Variants in KIFAP3 observed in about 807,000 individuals in gnomAD.
The protein encoded by KIFAP3 is kinesin associated protein 3.
Under a neutral mutation model 106.5 loss-of-function variants are expected in KIFAP3, and 68 were observed. That is an observed-to-expected ratio of 0.64 (90% CI 0.53 to 0.78). The LOEUF is 0.78. Among genes scored for constraint, KIFAP3 ranks in the 30% least tolerant of loss-of-function variants. The pLI is 0.00. For missense variants in KIFAP3, 780 were observed against 941.8 expected (o/e 0.83, Z 2.25); for synonymous variants, 320 against 311.5 (o/e 1.03, Z -0.29).
At chr1:169,995,479 T>C (rs1387408228) in intron 10 of KIFAP3, among the ~76,000 whole-genome samples, 1 of 152,098 alleles carries the variant, frequency 6.6e-6, no homozygotes, top group African/African-American at 2.4e-5. Context: ...ACTTAATTTT[T>C]AAAAAATATT....
rs28595847 is a variant in KIFAP3 at position 169,998,395 on chromosome 1, T to C, written c.1184-6140A>G. Among the ~76,000 whole-genome samples, 538 of 81,320 alleles carry C rather than the reference T, an allele frequency of 6.6e-3. 2 individuals carry two copies. Among genetic ancestry groups the C allele is most frequent in the East Asian group, 0.031 (73 of 2,354 alleles). The allele number at this position is 81,320 out of a possible 152,430, so 53.3% of individuals were successfully genotyped here. Reference sequence around the variant, plus strand: ...GTGCTTCACCAGATATATATATATATATATACACACACACACACACACACA... The same window carrying C: ...GTGCTTCACCAGATATATATATATACATATACACACACACACACACACACA... On this transcript the variant is annotated intron_variant, in intron 10 of 19. Transcript: ENST00000361580.
At chr1:169,988,543 C>CCCCG (rs1666951585) in intron 11 of KIFAP3, among the ~76,000 whole-genome samples, 4 of 151,824 alleles carry the variant, frequency 2.6e-5, no homozygotes, top group Non-Finnish European at 5.9e-5. Flanking sequence ...GGGGTTATGA[C>CCCCG]TTTAGTAAGT....
At chr1:170,055,921 C>G (rs1437538710) in intron 1 of KIFAP3, among the ~76,000 whole-genome samples, 1 of 152,024 alleles carries the variant, frequency 6.6e-6, no homozygotes, top group Non-Finnish European at 1.5e-5. Flanking sequence ...CACTTTAGGT[C>G]AGAAGTTTGA....
At chr1:170,040,471 C>A (rs1175491127) in intron 3 of KIFAP3, among the ~76,000 whole-genome samples, 5 of 151,964 alleles carry the variant, frequency 3.3e-5, no homozygotes, top group Non-Finnish European at 7.4e-5. Flanking sequence ...TTCTGGGGAG[C>A]AAGATAAAAC....
At chr1:170,050,541 T>A (rs1670524285) in intron 2 of KIFAP3, among the ~76,000 whole-genome samples, 2 of 152,012 alleles carry the variant, frequency 1.3e-5, no homozygotes, top group Non-Finnish European at 2.9e-5. Flanking sequence ...CACATAATCA[T>A]CAGATTCTCC....
chr1:169,941,700 CCT>C (rs1229637920), intron 19 of KIFAP3, among the ~76,000 whole-genome samples: 4 of 151,950 alleles, frequency 2.6e-5, no homozygotes, highest in Admixed American at 2.0e-4. Flanking sequence ...AAGATGGCCC[CCT>C]GAGGGTGAAT....
At chr1:170,021,941 CTTTTTTTT>C (rs71125221) in intron 9 of KIFAP3, among the ~76,000 whole-genome samples, 2 of 77,902 alleles carry the variant, frequency 2.6e-5, no homozygotes, top group African/African-American at 4.8e-5. Flanking sequence ...TCTTTTCTTT[CTTTTTTTT>C]TTTTTTTTTT....
chr1:169,990,665 CTAAGAG>C (rs2101929444), intron 11 of KIFAP3, among the ~76,000 whole-genome samples: 1 of 151,916 alleles, frequency 6.6e-6, no homozygotes, highest in Admixed American at 6.6e-5. Flanking sequence ...TGTTAATTCC[CTAAGAG>C]TAAAATTGTT....
rs565111191 is a variant in KIFAP3 at position 169,940,875 on chromosome 1, C to G, written c.2273+13136G>C. ...TACTGGACTGTTCATGTCCCCAAAACAAATTCTTTTGAGCAGTTGCACTTG... is the reference window on the plus strand; with the variant it reads ...TACTGGACTGTTCATGTCCCCAAAAGAAATTCTTTTGAGCAGTTGCACTTG... On this transcript the variant is annotated intron_variant, in intron 19 of 19. Coordinates refer to ENST00000361580, the MANE Select transcript of KIFAP3 (RefSeq NM_014970.4). Among the ~76,000 whole-genome samples, 4 of 152,006 alleles carry G rather than the reference C, an allele frequency of 2.6e-5. No individual in the cohort carries two copies. The East Asian group carries it at 7.7e-4, about 29-fold the overall frequency.
intron 9 of KIFAP3, among the ~76,000 whole-genome samples, chr1:170,018,516 GA>G (rs1239799564): frequency 1.3e-5 from 2 of 149,362 alleles, no homozygotes; most frequent in African/African-American, 2.5e-5. Flanking sequence ...AAAGAAATTT[GA>G]AAAAAATTTA....
At chr1:170,066,468 G>A (rs1671450809) in intron 1 of KIFAP3, among the ~76,000 whole-genome samples, 1 of 152,032 alleles carries the variant, frequency 6.6e-6, no homozygotes, top group Admixed American at 6.5e-5. Context: ...CTTAAAAGCT[G>A]GGGGCAAAAA....
rs948498469 is a variant in KIFAP3 at position 169,923,277 on chromosome 1, T to G, written c.2274-1496A>C. On this transcript the variant is annotated intron_variant, in intron 19 of 19. Coordinates refer to ENST00000361580, the MANE Select transcript of KIFAP3 (RefSeq NM_014970.4). Reference sequence around the variant, plus strand: ...ATATAGGCACTTTTTCTAACTTTGATCTCATGGGAAGAGAGACTAAATTTT... The same window carrying G: ...ATATAGGCACTTTTTCTAACTTTGAGCTCATGGGAAGAGAGACTAAATTTT... Among the ~76,000 whole-genome samples, 12 of 152,174 alleles carry G rather than the reference T, an allele frequency of 7.9e-5. No homozygotes were observed. The East Asian group carries it at 2.3e-3, about 29-fold the overall frequency.
chr1:169,960,114 C>T (rs918230640), intron 18 of KIFAP3, among the ~76,000 whole-genome samples: 1 of 151,990 alleles, frequency 6.6e-6, no homozygotes, highest in Non-Finnish European at 1.5e-5. Flanking sequence ...AATGTGAGTA[C>T]AGTGATCAGA....
intron 1 of KIFAP3, among the ~76,000 whole-genome samples, chr1:170,058,626 A>C (rs1670973786): frequency 1.3e-5 from 2 of 152,064 alleles, no homozygotes; most frequent in South Asian, 4.1e-4. Context: ...ACAAAATGGA[A>C]ATCTACCAAA....
intron 3 of KIFAP3, among the ~76,000 whole-genome samples, chr1:170,043,686 A>G (rs547445614): frequency 6.6e-6 from 1 of 152,330 alleles, no homozygotes; most frequent in South Asian, 2.1e-4. Flanking sequence ...TTTAACAGTT[A>G]TCAAGAAATA....
chr1:170,048,300 G>T lies in KIFAP3; in HGVS notation c.165-1434C>A, dbSNP rs6697581. On this transcript the variant is annotated intron_variant, in intron 2 of 19. Coordinates refer to ENST00000361580, the MANE Select transcript of KIFAP3 (RefSeq NM_014970.4). ...GTCCCTTTATTTCTTCCTTATTTGG[G>T]TTTTTTTTTTTTTGGTTCCTACCTT... is the stretch of plus-strand genomic sequence containing the variant. Among the ~76,000 whole-genome samples the T allele has an allele frequency of 2.6e-3, 367 of 142,742 alleles. 1 individual carries two copies. Among genetic ancestry groups the T allele is most frequent in the East Asian group, 6.5e-3 (32 of 4,956 alleles). The allele number at this position is 142,742 out of a possible 152,430, so 93.6% of individuals were successfully genotyped here. A position where few individuals can be genotyped will look rare whatever the true frequency, so the allele number is the denominator to read the frequency against.
chr1:169,959,355 A>G (rs1251045778), intron 18 of KIFAP3, among the ~76,000 whole-genome samples: 1 of 152,184 alleles, frequency 6.6e-6, no homozygotes, highest in Non-Finnish European at 1.5e-5. Context: ...AAACTAAAAA[A>G]AATTGCTTGC....
At chr1:170,060,647 T>C (rs1671097590) in intron 1 of KIFAP3, among the ~76,000 whole-genome samples, 1 of 152,134 alleles carries the variant, frequency 6.6e-6, no homozygotes, top group Non-Finnish European at 1.5e-5. Flanking sequence ...CTTCACAGAA[T>C]TGGAAAAAAT....
chr1:169,931,313 C>T (rs559355804), intron 19 of KIFAP3, among the ~76,000 whole-genome samples: 16 of 152,106 alleles, frequency 1.1e-4, no homozygotes, highest in South Asian at 6.2e-4. Context: ...AGAAAAATGA[C>T]GTGCAAGAAA....
Sources: gnomAD v4.1 joint callset for allele counts (sites outside exome capture counted in the v4.1 genomes callset) on GRCh38, gnomAD v4.1.1 for gene constraint, MANE v1.5 for transcripts, NCBI Gene and HGNC (gene_info 2026-07-23, HGNC 2026-07-21) for gene names.